Variants in CDK8 observed in about 807,000 individuals in gnomAD.
The protein encoded by CDK8 is cyclin-dependent kinase 8.
In CDK8, 29 loss-of-function variants were observed where a neutral mutation model predicts 71.5. The ratio of observed to expected loss-of-function variants is 0.41; its 90% CI spans 0.30 to 0.55. CDK8 has a LOEUF of 0.55. Among genes scored for constraint, CDK8 ranks in the 20% least tolerant of loss-of-function variants. The pLI is 0.37. For missense variants in CDK8, 288 were observed against 572.6 expected, an observed-to-expected ratio of 0.50 and a Z score of 5.07; for synonymous variants, 161 against 192.1, an observed-to-expected ratio of 0.84 and a Z score of 1.34.
intron 6 of CDK8, among the ~76,000 whole-genome samples, chr13:26,392,324 C>CTTTTT (rs5802374): frequency 3.0e-5 from 3 of 100,340 alleles, no homozygotes; most frequent in African/African-American, 3.9e-5. Flanking sequence ...ATTTATAACC[C>CTTTTT]TTTTTTTTTT....
At chr13:26,398,591 TA>T (rs1876100464) in intron 9 of CDK8, among the ~76,000 whole-genome samples, 1 of 152,200 alleles carries the variant, frequency 6.6e-6, no homozygotes, top group South Asian at 2.1e-4. Flanking sequence ...CTTTCAACCC[TA>T]AAAATAAAAT....
chr13:26,343,919 CA>C (rs1873352537), intron 2 of CDK8, among the ~76,000 whole-genome samples: 1 of 151,480 alleles, frequency 6.6e-6, no homozygotes, highest in Admixed American at 6.6e-5. Flanking sequence ...CTTTTAGGTT[CA>C]GGGGGCACAT....
At chr13:26,378,253 C>T (rs1875046915) in intron 4 of CDK8, among the ~76,000 whole-genome samples, 1 of 152,114 alleles carries the variant, frequency 6.6e-6, no homozygotes, top group South Asian at 2.1e-4. Flanking sequence ...CTTTATTTTT[C>T]CATCAGAGTT....
At chr13:26,346,972 C>T (rs2137988428) in intron 2 of CDK8, among the ~76,000 whole-genome samples, 1 of 152,280 alleles carries the variant, frequency 6.6e-6, no homozygotes, top group Middle Eastern at 3.4e-3. Context: ...TTGGTTTTCT[C>T]ACCTGGCTGT....
chr13:26,348,741 A>G (rs564519601), intron 2 of CDK8, among the ~76,000 whole-genome samples: 1 of 152,316 alleles, frequency 6.6e-6, no homozygotes, highest in Non-Finnish European at 1.5e-5. Flanking sequence ...CATTGTGAAT[A>G]TACTTATAGG....
Position 26,388,938 on chromosome 13 carries a change from C to A in CDK8, c.646+3596C>A, listed in dbSNP as rs546270130. ...ATGAATTCAAATGATGGGCCTTACC[C>A]TGAAGAGATTTACAGTCCAGTTGAG... On this transcript the variant is annotated intron_variant, in intron 6 of 12. Coordinates refer to ENST00000381527, the MANE Select transcript of CDK8 (RefSeq NM_001260.3). Among the ~76,000 whole-genome samples, 60 of 152,244 alleles carry A rather than the reference C, an allele frequency of 3.9e-4. 1 individual carries two copies. The highest frequency in any genetic ancestry group is 1.4e-3 in the African/African-American group (57 of 41,544).
rs1018348728 is a variant in CDK8, at chr13:26,288,213, C to G, written c.128+33444C>G. ...TCCTGACCTCGTGATCCGCCTGCCT[C>G]GACCTCCTAAAGTGCTGGGGTTACA... On this transcript the variant is annotated intron_variant, in intron 1 of 12. Transcript: ENST00000381527. Among the ~76,000 whole-genome samples the G allele has an allele frequency of 2.0e-5, 3 of 152,260 alleles. No homozygotes were observed. The East Asian group carries it at 5.8e-4, about 29-fold the overall frequency.
At chr13:26,290,020 T>C (rs908139942) in intron 1 of CDK8, among the ~76,000 whole-genome samples, 12 of 152,218 alleles carry the variant, frequency 7.9e-5, no homozygotes, top group Non-Finnish European at 2.9e-5. Context: ...ATATTTGATG[T>C]AAAAATAACA....
At chr13:26,282,098 G>A (rs1255886689) in intron 1 of CDK8, among the ~76,000 whole-genome samples, 3 of 151,964 alleles carry the variant, frequency 2.0e-5, no homozygotes, top group Non-Finnish European at 4.4e-5. Flanking sequence ...ACTATAATTG[G>A]TGGTCCTGAG....
chr13:26,380,789 A>G (rs979616888), intron 4 of CDK8, among the ~76,000 whole-genome samples: 7 of 152,190 alleles, frequency 4.6e-5, no homozygotes, highest in African/African-American at 1.7e-4. Context: ...CCAAAATAAC[A>G]TTTTGATAAT....
At chr13:26,399,776 G>T (rs1417801564) in intron 9 of CDK8, among the ~76,000 whole-genome samples, 1 of 152,200 alleles carries the variant, frequency 6.6e-6, no homozygotes, top group Non-Finnish European at 1.5e-5. Flanking sequence ...GACAAATGAG[G>T]TAACAAAAAT....
intron 5 of CDK8, among the ~76,000 whole-genome samples, chr13:26,384,097 T>G (rs1304616114): frequency 2.0e-5 from 3 of 152,232 alleles, no homozygotes; most frequent in African/African-American, 4.8e-5. Context: ...CAATCTAGTT[T>G]GGAATTATAG....
chr13:26,395,008 C>G (rs1565998379), intron 7 of CDK8, among the ~76,000 whole-genome samples: 1 of 152,160 alleles, frequency 6.6e-6, no homozygotes, highest in Non-Finnish European at 1.5e-5. Flanking sequence ...TAAAGATTAT[C>G]TTAAAATTTC....
At chr13:26,279,233 C>G (rs1872658131) in intron 1 of CDK8, among the ~76,000 whole-genome samples, 1 of 152,062 alleles carries the variant, frequency 6.6e-6, no homozygotes, top group South Asian at 2.1e-4. Context: ...TTGTAACTCT[C>G]AGTGTAAAAA....
chr13:26,352,348 TGG>T (rs1344205865), intron 3 of CDK8, among the ~76,000 whole-genome samples: 1 of 152,132 alleles, frequency 6.6e-6, no homozygotes, highest in African/African-American at 2.4e-5. Context: ...CCCGAGTAGC[TGG>T]GACTACAGGT....
intron 4 of CDK8, among the ~76,000 whole-genome samples, chr13:26,371,480 G>A (rs142642805): frequency 1.4e-3 from 206 of 152,272 alleles, no homozygotes; most frequent in African/African-American, 4.6e-3. Flanking sequence ...GGAAGTTATC[G>A]TCATACTATC....
At chr13:26,320,962 G>A (rs140945154) in intron 1 of CDK8, among the ~76,000 whole-genome samples, 299 of 152,292 alleles carry the variant, frequency 2.0e-3, no homozygotes, top group African/African-American at 6.9e-3. Flanking sequence ...AAACAGCATA[G>A]CAGTGTCTTA....
intron 1 of CDK8, among the ~76,000 whole-genome samples, chr13:26,260,998 T>TCACA (rs1198770961): frequency 2.0e-5 from 3 of 152,176 alleles, no homozygotes; most frequent in Non-Finnish European, 4.4e-5. Flanking sequence ...TCAGAACACT[T>TCACA]TGTGAATTTT....
chr13:26,384,413 T>C (rs1875375647), intron 5 of CDK8, among the ~76,000 whole-genome samples: 1 of 152,208 alleles, frequency 6.6e-6, no homozygotes, highest in African/African-American at 2.4e-5. Context: ...GCAAAAGCTA[T>C]GTGTAATGAC....
Sources: allele counts gnomAD v4.1 joint callset (sites outside exome capture counted in the v4.1 genomes callset), GRCh38; gene constraint gnomAD v4.1.1; transcripts MANE v1.5; gene names NCBI Gene and HGNC (gene_info 2026-07-23, HGNC 2026-07-21).